GLRB: variants seen among roughly 807,000 people sequenced by gnomAD.
GLRB encodes the protein glycine receptor beta.
A neutral mutation model predicts 54.2 loss-of-function variants in GLRB; 33 were observed. The observed-to-expected ratio is 0.61, with a 90% CI of 0.46 to 0.81. The LOEUF (loss-of-function observed/expected upper bound fraction) is 0.81, where lower values mean the gene tolerates loss of function less well. Among genes scored for constraint, GLRB ranks in the 40% least tolerant of loss-of-function variants. The probability of loss-of-function intolerance (pLI) is 0.00; values close to 1 mark genes in which losing one functional copy is unlikely to be tolerated. For missense variants in GLRB, 572 were observed against 584.6 expected (o/e 0.98, Z 0.22); for synonymous variants, 209 against 208.2 (o/e 1.00, Z -0.03).
chr4:157,119,665 A>G (rs545288764), intron 2 of GLRB, among the ~76,000 whole-genome samples: 1 of 151,844 alleles, frequency 6.6e-6, no homozygotes, highest in South Asian at 2.1e-4. Context: ...CTCTATTTCT[A>G]TTTGAAAACC....
intron 9 of GLRB, among the ~76,000 whole-genome samples, chr4:157,161,237 A>T (rs560900415): frequency 6.6e-6 from 1 of 152,060 alleles, no homozygotes; most frequent in African/African-American, 2.4e-5. Flanking sequence ...TGCACATGAG[A>T]TGGGTCTCCT....
chr4:157,082,750 G>A (rs1734268006), intron 2 of GLRB, among the ~76,000 whole-genome samples: 1 of 152,022 alleles, frequency 6.6e-6, no homozygotes, highest in Non-Finnish European at 1.5e-5. Flanking sequence ...CTGAGGCTCT[G>A]TGATATTCAG....
At chr4:157,077,870 G>A (rs1174843253) in intron 1 of GLRB, 126 bp from the exon 2 acceptor site, 2 of 614,230 alleles carry the variant, frequency 3.3e-6, no homozygotes, top group Non-Finnish European at 2.9e-6. Context: ...ATAGGACTGA[G>A]CAATGAGGAT....
chr4:157,082,932 A>AT (rs1734273540), intron 2 of GLRB, among the ~76,000 whole-genome samples: 1 of 149,984 alleles, frequency 6.7e-6, no homozygotes, highest in Admixed American at 6.7e-5. Context: ...GAAAAATATT[A>AT]CATAATAATT....
chr4:157,128,979 A>G (rs2126548937), intron 4 of GLRB, among the ~76,000 whole-genome samples: 1 of 152,038 alleles, frequency 6.6e-6, no homozygotes, highest in East Asian at 1.9e-4. Context: ...AATGAATTAA[A>G]GATTATATAT....
chr4:157,077,514 A>G (rs1734081480), intron 1 of GLRB, among the ~76,000 whole-genome samples: 1 of 152,084 alleles, frequency 6.6e-6, no homozygotes, highest in Admixed American at 6.5e-5. Context: ...TTTTCTTTAA[A>G]ATACATTATT....
chr4:157,077,148 T>TAG (rs1734069088), intron 1 of GLRB, among the ~76,000 whole-genome samples: 1 of 152,164 alleles, frequency 6.6e-6, no homozygotes, highest in Non-Finnish European at 1.5e-5. Flanking sequence ...TGAACTTCTC[T>TAG]AGTGTAGGTA....
Position 157,152,982 on chromosome 4 carries a change from G to C in GLRB, c.1169G>C (p.Gly390Ala). The change falls in exon 9 of 10, where the codon GGG becomes GCG. Residue 390 changes from glycine to alanine, a missense_variant. Transcript: ENST00000264428. ...VAKKNTVNGT[G>A]TPVHISTLQV... ...AAAAAGAATACTGTGAATGGAACAG[G>C]GACTCCTGTTCATATTAGCACTTTG... The C allele has an allele frequency of 6.2e-7, 1 of 1,613,756 alleles. No individual in the cohort carries two copies. The highest frequency in any genetic ancestry group is 8.5e-7 in the Non-Finnish European group (1 of 1,179,824).
At chr4:157,092,059 G>T (rs2126454210) in intron 2 of GLRB, among the ~76,000 whole-genome samples, 1 of 120,226 alleles carries the variant, frequency 8.3e-6, no homozygotes, top group South Asian at 2.7e-4. Context: ...CAGGAGATTT[G>T]TGTTCTAGCT....
chr4:157,162,975 G>C (rs1737567652), intron 9 of GLRB, among the ~76,000 whole-genome samples: 1 of 152,122 alleles, frequency 6.6e-6, no homozygotes, highest in Non-Finnish European at 1.5e-5. Flanking sequence ...GTGCTGTGGT[G>C]GGCTCCACCC....
At chr4:157,163,829 A>AGTGTGTGT (rs3054934) in intron 9 of GLRB, among the ~76,000 whole-genome samples, 6,840 of 146,346 alleles carry the variant, frequency 0.047, 176 homozygotes, top group African/African-American at 0.071. Context: ...TGTCTGTGTG[A>AGTGTGTGT]GTGTGTGTGT....
chr4:157,140,340 T>C (rs905440256), intron 7 of GLRB, among the ~76,000 whole-genome samples: 1 of 151,942 alleles, frequency 6.6e-6, no homozygotes, highest in African/African-American at 2.4e-5. Flanking sequence ...AATACATTAC[T>C]TATTAAATTA....
chr4:157,129,233 A>C (rs997441997), intron 4 of GLRB, among the ~76,000 whole-genome samples: 2 of 151,832 alleles, frequency 1.3e-5, no homozygotes, highest in African/African-American at 2.4e-5. Context: ...TTTAAAAGCA[A>C]TTAAGTAATT....
chr4:157,159,168 T>C (rs993203902), intron 9 of GLRB, among the ~76,000 whole-genome samples: 1 of 152,204 alleles, frequency 6.6e-6, no homozygotes, highest in African/African-American at 2.4e-5. Context: ...TTGTGATTTT[T>C]GCACGTAGAT....
At chr4:157,141,769 G>A (rs1736626112) in intron 7 of GLRB, among the ~76,000 whole-genome samples, 1 of 151,998 alleles carries the variant, frequency 6.6e-6, no homozygotes, top group Non-Finnish European at 1.5e-5. Flanking sequence ...TAATATCCAA[G>A]CATGTATTTT....
At chr4:157,108,998 T>G (rs948596211) in intron 2 of GLRB, among the ~76,000 whole-genome samples, 37 of 152,148 alleles carry the variant, frequency 2.4e-4, no homozygotes, top group Non-Finnish European at 4.0e-4. Flanking sequence ...CAGATGATTG[T>G]TAGCATTTTT....
At position 157,170,591 on chromosome 4, in the gene GLRB, G is replaced by A. The variant is rs780011965; in HGVS notation, c.1357G>A (p.Ala453Thr). ...TAACAACGGACTTGGGAAATCTCAG[G>A]CTAAGAACAACAAGAAGCCTCCCCC... ...EVNNGLGKSQ[A>T]KNNKKPPPAK... Residue 453 changes from alanine (A) to threonine (T), a missense_variant, in exon 10 of 10, where the codon GCT (alanine) becomes ACT (threonine). Transcript: ENST00000264428. The A allele has an allele frequency of 1.9e-6, 3 of 1,613,512 alleles. No individual in the cohort carries two copies. Among genetic ancestry groups the A allele is most frequent in the South Asian group, 2.2e-5 (2 of 91,064 alleles).
intron 9 of GLRB, among the ~76,000 whole-genome samples, chr4:157,165,874 T>C (rs1737688484): frequency 6.6e-6 from 1 of 152,034 alleles, no homozygotes; most frequent in African/African-American, 2.4e-5. Flanking sequence ...CTGCTGTTTA[T>C]ATGTAAAGGA....
chr4:157,108,785 C>T (rs1015366744), intron 2 of GLRB, among the ~76,000 whole-genome samples: 13 of 152,122 alleles, frequency 8.5e-5, no homozygotes, highest in Middle Eastern at 3.4e-3. Flanking sequence ...AGATAAAAGG[C>T]TATCAAACAG....
Sources: gnomAD v4.1 joint callset for allele counts (sites outside exome capture counted in the v4.1 genomes callset) on GRCh38, gnomAD v4.1.1 for gene constraint, MANE v1.5 for transcripts, NCBI Gene and HGNC (gene_info 2026-07-23, HGNC 2026-07-21) for gene names.